The following ASTN2 variants were observed in gnomAD, a reference collection of about 807,000 sequenced individuals.
The protein encoded by ASTN2 is astrotactin 2, also known as astrotactin-2.
ASTN2 carries 54 observed loss-of-function variants against 139.8 expected under a neutral mutation model. The observed-to-expected ratio is 0.39, with a 90% CI of 0.31 to 0.48. The LOEUF (loss-of-function observed/expected upper bound fraction) is 0.48, where lower values mean the gene tolerates loss of function less well. Ranked by LOEUF, ASTN2 falls within the 20% of genes least tolerant of loss-of-function variation. The pLI is 0.95. For synonymous variants in ASTN2, 756 were observed against 719.5 expected (o/e 1.05, Z -0.81); for missense variants, 1,565 against 1,725.1 (o/e 0.91, Z 1.64).
intron 1 of ASTN2, among the ~76,000 whole-genome samples, chr9:117,356,624 T>C (rs1053486915): frequency 2.0e-5 from 3 of 152,118 alleles, no homozygotes; most frequent in Non-Finnish European, 4.4e-5. Context: ...TGCGCTTCCA[T>C]GTAAAATACG....
intron 6 of ASTN2, among the ~76,000 whole-genome samples, chr9:117,008,681 T>C (rs922237556): frequency 6.6e-6 from 1 of 152,140 alleles, no homozygotes. Flanking sequence ...TGACTTATTA[T>C]AGGAAATAAT....
rs1191517198 is a variant in ASTN2 at position 116,975,245 on chromosome 9, T to C, written c.1852A>G (p.Thr618Ala). Residue 618 changes from threonine to alanine, a missense_variant, in exon 10 of 23, where the codon ACC becomes GCC. Coordinates refer to ENST00000313400, the MANE Select transcript of ASTN2 (RefSeq NM_001365068.1). ...GGGTCTTCCGTGACGAGCACATCGGTCTTGCAGCTGGCCAGGGGGTTGATG... is the reference window on the plus strand; with the variant it reads ...GGGTCTTCCGTGACGAGCACATCGGCCTTGCAGCTGGCCAGGGGGTTGATG... ...LSINPLASCKTDVLVTEDPAD... is the reference protein window; with the variant it reads ...LSINPLASCKADVLVTEDPAD... The C allele has an allele frequency of 1.2e-6, 2 of 1,613,298 alleles. No individual in the cohort carries two copies. The highest frequency in any genetic ancestry group is 2.7e-5 in the African/African-American group (2 of 74,994).
chr9:117,106,458 C>T (rs890803253), intron 4 of ASTN2, among the ~76,000 whole-genome samples: 2 of 152,060 alleles, frequency 1.3e-5, no homozygotes, highest in Non-Finnish European at 2.9e-5. Flanking sequence ...CTCAGCCTCC[C>T]AAAGTGCTGG....
chr9:116,745,794 T>C (rs1405459633), intron 13 of ASTN2, among the ~76,000 whole-genome samples: 1 of 152,246 alleles, frequency 6.6e-6, no homozygotes, highest in Non-Finnish European at 1.5e-5. Flanking sequence ...TTCTGAAATG[T>C]TTCTAACACA....
At chr9:117,221,915 T>C (rs148265987) in intron 2 of ASTN2, among the ~76,000 whole-genome samples, 40 of 150,930 alleles carry the variant, frequency 2.7e-4, no homozygotes, top group African/African-American at 9.2e-4. Context: ...TCACAAACCA[T>C]CCTAAAATAG....
At chr9:117,093,910 G>T (rs1828769419) in intron 5 of ASTN2, among the ~76,000 whole-genome samples, 1 of 152,070 alleles carries the variant, frequency 6.6e-6, no homozygotes, top group African/African-American at 2.4e-5. Flanking sequence ...TATTCTCTCA[G>T]TTCCCTTCCT....
At chr9:116,492,452 A>C (rs941055743) in intron 19 of ASTN2, among the ~76,000 whole-genome samples, 6 of 152,142 alleles carry the variant, frequency 3.9e-5, no homozygotes, top group Non-Finnish European at 2.9e-5. Context: ...TTTTCATCCA[A>C]GCTTCTCTTT....
chr9:116,787,244 C>T (rs1830401040), intron 13 of ASTN2, among the ~76,000 whole-genome samples: 1 of 152,188 alleles, frequency 6.6e-6, no homozygotes, highest in African/African-American at 2.4e-5. Flanking sequence ...TGACTAAACA[C>T]CAGGCAGGCT....
At chr9:116,731,059 A>G (rs1828764060) in intron 14 of ASTN2, among the ~76,000 whole-genome samples, 1 of 151,954 alleles carries the variant, frequency 6.6e-6, no homozygotes, top group African/African-American at 2.4e-5. Context: ...GTTCCTAACC[A>G]TAAACTCATC....
chr9:116,495,112 C>T (rs995100337), intron 19 of ASTN2, among the ~76,000 whole-genome samples: 9 of 152,094 alleles, frequency 5.9e-5, no homozygotes, highest in South Asian at 2.1e-4. Context: ...GAGGAAATGA[C>T]GTAAAGATAA....
At chr9:116,518,768 G>A (rs1013241295) in intron 19 of ASTN2, among the ~76,000 whole-genome samples, 2 of 152,000 alleles carry the variant, frequency 1.3e-5, no homozygotes, top group African/African-American at 4.8e-5. Context: ...GCTGTCTTCA[G>A]GAGTCTCACC....
intron 7 of ASTN2, among the ~76,000 whole-genome samples, chr9:116,980,078 G>C (rs918328353): frequency 6.6e-6 from 1 of 152,146 alleles, no homozygotes; most frequent in Non-Finnish European, 1.5e-5. Flanking sequence ...ACGGAAAGTA[G>C]GCAGAGGGAA....
chr9:116,749,604 A>T (rs893174956), intron 13 of ASTN2, among the ~76,000 whole-genome samples: 4 of 151,982 alleles, frequency 2.6e-5, no homozygotes. Flanking sequence ...TGGTGTGTCT[A>T]TTTCCCTACT....
chr9:116,573,052 C>T (rs1008506216), intron 19 of ASTN2, among the ~76,000 whole-genome samples: 2 of 150,408 alleles, frequency 1.3e-5, no homozygotes, highest in Non-Finnish European at 3.0e-5. Context: ...CACACACACA[C>T]ATCAGGAGGC....
chr9:116,847,007 CAAAAAA>C (rs11302692), intron 11 of ASTN2, among the ~76,000 whole-genome samples: 963 of 75,892 alleles, frequency 0.013, 17 homozygotes, highest in African/African-American at 0.036. Context: ...GCTTCATTCT[CAAAAAA>C]AAAAAAAAAA....
intron 19 of ASTN2, among the ~76,000 whole-genome samples, chr9:116,578,452 A>C (rs1853811997): frequency 1.3e-5 from 2 of 152,190 alleles, no homozygotes; most frequent in South Asian, 4.1e-4. Flanking sequence ...AAATGTTCTA[A>C]GAACATTTTT....
intron 3 of ASTN2, among the ~76,000 whole-genome samples, chr9:117,163,906 C>T (rs1454425470): frequency 6.6e-6 from 1 of 152,036 alleles, no homozygotes; most frequent in East Asian, 1.9e-4. Flanking sequence ...CAGGCAAAGG[C>T]CATATTTGTA....
chr9:117,365,818 G>A (rs1307686196), intron 1 of ASTN2, among the ~76,000 whole-genome samples: 1 of 152,194 alleles, frequency 6.6e-6, no homozygotes, highest in Non-Finnish European at 1.5e-5. Flanking sequence ...AGCTTGTATT[G>A]GACAGTGGAA....
chr9:117,204,884 A>AT (rs1831863579), intron 3 of ASTN2, among the ~76,000 whole-genome samples: 1 of 148,362 alleles, frequency 6.7e-6, no homozygotes, highest in Non-Finnish European at 1.5e-5. Flanking sequence ...TATCTAAGTG[A>AT]TTTTCTTTTA....
Sources: gnomAD v4.1 joint callset for allele counts (sites outside exome capture counted in the v4.1 genomes callset) on GRCh38, gnomAD v4.1.1 for gene constraint, MANE v1.5 for transcripts, NCBI Gene and HGNC (gene_info 2026-07-23, HGNC 2026-07-21) for gene names.